The following DTNA variants were observed in gnomAD, a reference collection of about 807,000 sequenced individuals.
DTNA encodes dystrophin-related protein 3.
DTNA carries 43 observed loss-of-function variants against 100.7 expected under a neutral mutation model. The observed-to-expected ratio is 0.43, with a 90% CI of 0.33 to 0.55. DTNA has a LOEUF of 0.55. DTNA is among the 20% of genes least tolerant of loss of function. The pLI is 0.04. For missense variants in DTNA, 798 were observed against 953.9 expected, an observed-to-expected ratio of 0.84 and a Z score of 2.15; for synonymous variants, 349 against 347.9, an observed-to-expected ratio of 1.00 and a Z score of -0.04.
chr18:34,641,293 A>G (rs1334651638), intron 1 of DTNA, among the ~76,000 whole-genome samples: 1 of 152,254 alleles, frequency 6.6e-6, no homozygotes, highest in African/African-American at 2.4e-5. Flanking sequence ...AATAATGTCT[A>G]TGTACTGTGT....
intron 1 of DTNA, among the ~76,000 whole-genome samples, chr18:34,654,617 A>C (rs909304045): frequency 3.9e-5 from 6 of 152,214 alleles, no homozygotes; most frequent in Non-Finnish European, 8.8e-5. Flanking sequence ...ATATGGGTAC[A>C]TTCTAAAAAA....
At chr18:34,853,219 C>G (rs561764618) in intron 15 of DTNA, among the ~76,000 whole-genome samples, 1 of 152,252 alleles carries the variant, frequency 6.6e-6, no homozygotes, top group Non-Finnish European at 1.5e-5. Context: ...AACGCAATTA[C>G]GTTTGCACCA....
At chr18:34,655,359 C>T (rs937678516) in intron 1 of DTNA, among the ~76,000 whole-genome samples, 1 of 152,088 alleles carries the variant, frequency 6.6e-6, no homozygotes, top group Non-Finnish European at 1.5e-5. Flanking sequence ...CCAAGGCCTC[C>T]TCCCCCACCT....
chr18:34,889,562 G>C lies in DTNA; in HGVS notation c.*1828G>C. 1 of 985,366 alleles carries C rather than the reference G, an allele frequency of 1.0e-6. No individual in the cohort carries two copies. Among genetic ancestry groups the C allele is most frequent in the Non-Finnish European group, 1.2e-6 (1 of 829,932 alleles). 61.0% of individuals were successfully genotyped at this position (985,366 alleles called of 1,614,324 possible). A position where few individuals can be genotyped will look rare whatever the true frequency, so the allele number is the denominator to read the frequency against. On this transcript the variant is annotated 3_prime_UTR_variant, in exon 23 of 23. Transcript: ENST00000444659. ...CACACCAAGTTCGTAGTTGGTAGGT[G>C]CCCAGCCAAGTCCTGACATCTTCAT...
Position 34,647,994 on chromosome 18 carries a change from G to A in DTNA, c.-1-107982G>A, listed in dbSNP as rs73414417. Among the ~76,000 whole-genome samples, 1,289 of 152,324 alleles carry A rather than the reference G, an allele frequency of 8.5e-3. 21 individuals carry two copies. The highest frequency in any genetic ancestry group is 0.03 in the African/African-American group (1,229 of 41,568). On this transcript the variant is annotated intron_variant, in intron 1 of 19. Coordinates refer to the DTNA transcript ENST00000283365. ...TAAATTAGTTTGGCAATCAGGGAAG[G>A]TCTTTCTGAGGAAATAATATTGACA... is the stretch of plus-strand genomic sequence containing the variant.
At position 34,646,376 on chromosome 18, in the gene DTNA, A is replaced by G. The variant is rs116611256; in HGVS notation, c.-1-109600A>G. On this transcript the variant is annotated intron_variant, in intron 1 of 19. Transcript: ENST00000283365. ...CAGCTCATACAAACAATAAGAAACC[A>G]TATCTGTTATATTTTACATTTTATT... 5.5e-3 allele frequency among the ~76,000 whole-genome samples: 831 copies of G among 152,306 alleles called. 18 individuals carry two copies. The highest frequency in any genetic ancestry group is 0.019 in the African/African-American group (777 of 41,564).
chr18:34,564,762 G>A (rs1389544218), intron 1 of DTNA, among the ~76,000 whole-genome samples: 1 of 152,182 alleles, frequency 6.6e-6, no homozygotes, highest in Admixed American at 6.5e-5. Flanking sequence ...ACTATTAAGT[G>A]TATCTGTGCC....
chr18:34,621,265 GTGTATATATA>G (rs1220620970), intron 1 of DTNA, among the ~76,000 whole-genome samples: 1 of 149,768 alleles, frequency 6.7e-6, no homozygotes, highest in Non-Finnish European at 1.5e-5. Flanking sequence ...ATGATTGTGT[GTGTATATATA>G]TACACACACA....
intron 3 of DTNA, among the ~76,000 whole-genome samples, chr18:34,788,576 A>G (rs2094590658): frequency 6.6e-6 from 1 of 152,180 alleles, no homozygotes; most frequent in African/African-American, 2.4e-5. Context: ...CTTCTGCACT[A>G]TGCTTACACC....
chr18:34,664,044 A>G (rs1019628947), intron 1 of DTNA, among the ~76,000 whole-genome samples: 4 of 152,258 alleles, frequency 2.6e-5, no homozygotes, highest in Non-Finnish European at 5.9e-5. Flanking sequence ...TTTTTAAGGA[A>G]CAATCACTTG....
intron 1 of DTNA, among the ~76,000 whole-genome samples, chr18:34,690,706 G>A (rs2079626131): frequency 6.6e-6 from 1 of 152,204 alleles, no homozygotes; most frequent in African/African-American, 2.4e-5. Flanking sequence ...ACCCAAATGT[G>A]TTTAAATGCA....
chr18:34,493,987 C>G (rs1444535959), intron 1 of DTNA: 1 of 149,100 alleles, frequency 6.7e-6, no homozygotes, highest in Non-Finnish European at 1.5e-5. Context: ...GCGGCTGCTG[C>G]AGGATGTCCG....
At chr18:34,576,625 A>C (rs2146546443) in intron 1 of DTNA, among the ~76,000 whole-genome samples, 1 of 152,058 alleles carries the variant, frequency 6.6e-6, no homozygotes, top group Middle Eastern at 3.4e-3. Context: ...TGCCCGGCTA[A>C]TTTTTATATT....
intron 5 of DTNA, among the ~76,000 whole-genome samples, chr18:34,806,946 G>A (rs2095376318): frequency 6.6e-6 from 1 of 151,956 alleles, no homozygotes; most frequent in South Asian, 2.1e-4. Flanking sequence ...TTTGCTTTAG[G>A]TAAAGAAACT....
chr18:34,887,494 G>T (rs1039305903), intron 22 of DTNA, among the ~76,000 whole-genome samples: 1 of 152,162 alleles, frequency 6.6e-6, no homozygotes, highest in African/African-American at 2.4e-5. Flanking sequence ...TTCTGTTTGT[G>T]TTGCTTTTCC....
chr18:34,550,320 C>T (rs2045269505), intron 1 of DTNA, among the ~76,000 whole-genome samples: 1 of 152,040 alleles, frequency 6.6e-6, no homozygotes, highest in Admixed American at 6.6e-5. Flanking sequence ...ACTCCTGAGT[C>T]CACTAGAAGG....
At chr18:34,817,863 G>A (rs1276268737) in intron 7 of DTNA, 3 of 1,041,108 alleles carry the variant, frequency 2.9e-6, no homozygotes, top group African/African-American at 1.7e-5. Flanking sequence ...AGTCTGTTTG[G>A]CTAATTTAAA....
Position 34,496,205 on chromosome 18 carries a change from A to AACACACACACACACACAC in DTNA, c.-2+2714_-2+2731dup, listed in dbSNP as rs367764683. Among the ~76,000 whole-genome samples the AACACACACACACACACAC allele has an allele frequency of 1.8e-3, 244 of 138,576 alleles. 2 individuals are homozygous for AACACACACACACACACAC. Among genetic ancestry groups the AACACACACACACACACAC allele is most frequent in the East Asian group, 3.8e-3 (17 of 4,492 alleles). 90.9% of individuals were successfully genotyped at this position (138,576 alleles called of 152,430 possible). The stretch of plus-strand genomic sequence containing the variant: ...CAGTGGTTAACCATCCCCTCCCTGC[A>AACACACACACACACACAC]ACACACACACACACACACACACACA... On this transcript the variant is annotated intron_variant, in intron 1 of 19. Transcript: ENST00000283365.
intron 1 of DTNA, among the ~76,000 whole-genome samples, chr18:34,606,641 A>G (rs1334385336): frequency 6.6e-6 from 1 of 152,160 alleles, no homozygotes; most frequent in Non-Finnish European, 1.5e-5. Context: ...TAAGTTATAG[A>G]CAGTATAAAG....
Sources: allele counts gnomAD v4.1 joint callset (sites outside exome capture counted in the v4.1 genomes callset), GRCh38; gene constraint gnomAD v4.1.1; transcripts MANE v1.5; gene names NCBI Gene and HGNC (gene_info 2026-07-23, HGNC 2026-07-21).